Variants in CORO2A observed in about 807,000 individuals in gnomAD.
The protein encoded by CORO2A is coronin-2A.
Under a neutral mutation model 62.4 loss-of-function variants are expected in CORO2A, and 47 were observed. The ratio of observed to expected loss-of-function variants is 0.75; its 90% CI spans 0.60 to 0.96. The LOEUF (loss-of-function observed/expected upper bound fraction) is 0.96, where lower values mean the gene tolerates loss of function less well. Among genes scored for constraint, CORO2A ranks in the 40% least tolerant of loss-of-function variants. The pLI is 0.00. For missense variants in CORO2A, 610 were observed against 684.1 expected, an observed-to-expected ratio of 0.89 and a Z score of 1.21; for synonymous variants, 273 against 268.9, an observed-to-expected ratio of 1.02 and a Z score of -0.15.
chr9:98,137,922 TG>T (rs1251927264), intron 2 of CORO2A, among the ~76,000 whole-genome samples: 2 of 152,164 alleles, frequency 1.3e-5, no homozygotes, highest in African/African-American at 4.8e-5. Context: ...CACAGGTTGG[TG>T]TGAGGATCAT....
At chr9:98,137,022 A>G (rs1007436398) in intron 3 of CORO2A, among the ~76,000 whole-genome samples, 4 of 152,132 alleles carry the variant, frequency 2.6e-5, no homozygotes, top group African/African-American at 9.7e-5. Context: ...ATACCACCAT[A>G]TTTTAGAAGT....
intron 6 of CORO2A, among the ~76,000 whole-genome samples, 165 bp downstream of exon 6, chr9:98,132,020 G>A (rs1025820349): frequency 3.3e-5 from 5 of 152,174 alleles, no homozygotes; most frequent in African/African-American, 1.2e-4. Context: ...GGGCTCGCCC[G>A]GGGCTGTCAG....
chr9:98,124,681 G>A lies in CORO2A; in HGVS notation c.*93C>T. ...TTTTCTGGTAAAAAATATAGAAATAGTGGTTGTCCTTGAGGGGACTTGTGG... is the reference window on the plus strand; with the variant it reads ...TTTTCTGGTAAAAAATATAGAAATAATGGTTGTCCTTGAGGGGACTTGTGG... On this transcript the variant is annotated 3_prime_UTR_variant, in exon 12 of 12. Transcript: ENST00000375077. The A allele has an allele frequency of 8.2e-7, 1 of 1,222,724 alleles. No homozygotes were observed. Among genetic ancestry groups the A allele is most frequent in the Non-Finnish European group, 1.1e-6 (1 of 925,092 alleles). The allele number at this position is 1,222,724 out of a possible 1,614,324, so 75.7% of individuals were successfully genotyped here. A position where few individuals can be genotyped will look rare whatever the true frequency, so the allele number is the denominator to read the frequency against.
intron 1 of CORO2A, among the ~76,000 whole-genome samples, chr9:98,168,622 G>A (rs1447241698): frequency 3.9e-5 from 6 of 152,262 alleles, no homozygotes; most frequent in Non-Finnish European, 8.8e-5. Flanking sequence ...GATACACACA[G>A]CATGCAGAGT....
intron 1 of CORO2A, among the ~76,000 whole-genome samples, chr9:98,175,553 G>A (rs1263785603): frequency 1.3e-5 from 2 of 152,194 alleles, no homozygotes; most frequent in Non-Finnish European, 2.9e-5. Flanking sequence ...GGGCTCCAGT[G>A]TCTCAACCCA....
chr9:98,170,502 C>T (rs947361152), intron 1 of CORO2A, among the ~76,000 whole-genome samples: 8 of 152,118 alleles, frequency 5.3e-5, no homozygotes, highest in Admixed American at 1.3e-4. Context: ...AGTGCAATGG[C>T]GTGATCTTGG....
In CORO2A at chr9:98,130,037, C is replaced by T. The variant is rs190857138; in HGVS notation, c.871-147G>A. On this transcript the variant is annotated intron_variant, in intron 7 of 11. Coordinates refer to ENST00000375077, the MANE Select transcript of CORO2A (RefSeq NM_052820.4). ...CAAGGGAACACCAGGAAACTGGGGG[C>T]CCTGTCATCAAGGCAGGAGGGTGAT... 4.7e-5 allele frequency: 29 copies of T among 617,642 alleles called. No homozygotes were observed. In the East Asian group the frequency reaches 7.7e-4, roughly 16 times the overall value. 38.3% of individuals were successfully genotyped at this position (617,642 alleles called of 1,614,324 possible).
intron 2 of CORO2A, among the ~76,000 whole-genome samples, chr9:98,142,825 G>T (rs1020481464): frequency 1.2e-4 from 2 of 16,058 alleles, no homozygotes; most frequent in Admixed American, 5.4e-4. Context: ...CCTCCCCTCC[G>T]CCCCACCTCC....
chr9:98,176,890 C>G (rs1375769789), intron 1 of CORO2A, among the ~76,000 whole-genome samples: 1 of 152,156 alleles, frequency 6.6e-6, no homozygotes, highest in African/African-American at 2.4e-5. Context: ...CTCCAGCCTC[C>G]CAGTCCAAAA....
chr9:98,171,304 T>TTCAA (rs1040026005), intron 1 of CORO2A, among the ~76,000 whole-genome samples: 1 of 152,124 alleles, frequency 6.6e-6, no homozygotes, highest in Non-Finnish European at 1.5e-5. Flanking sequence ...GGGGTGGGCA[T>TTCAA]CCAACCAGGG....
chr9:98,175,483 G>T (rs1401685915), intron 1 of CORO2A, among the ~76,000 whole-genome samples: 5 of 152,204 alleles, frequency 3.3e-5, no homozygotes, highest in Non-Finnish European at 7.3e-5. Context: ...CAAGCCCAGT[G>T]ACCCGGCTCC....
rs1037292482 is a variant in CORO2A at position 98,146,781 on chromosome 9, C to A, written c.202-9093G>T. 3.3e-5 allele frequency among the ~76,000 whole-genome samples: 5 copies of A among 152,340 alleles called. No individual in the cohort carries two copies. The South Asian group carries it at 6.2e-4, about 19-fold the overall frequency. On this transcript the variant is annotated intron_variant, in intron 2 of 11. Transcript: ENST00000375077. ...TGCACAGGGTCCTCTGGGAAGTCAT[C>A]TTCCTGAGCCTCAGCGACCTCATCT...
chr9:98,185,294 G>A (rs16913640), intron 1 of CORO2A, among the ~76,000 whole-genome samples: 52,233 of 152,114 alleles, frequency 0.34, 10,672 homozygotes, highest in African/African-American at 0.58. Flanking sequence ...TAGCTTGTCT[G>A]CATTCACACT....
At chr9:98,144,500 G>T (rs377629153) in intron 2 of CORO2A, among the ~76,000 whole-genome samples, 3 of 152,192 alleles carry the variant, frequency 2.0e-5, no homozygotes, top group East Asian at 3.9e-4. Flanking sequence ...CTATGTGCCA[G>T]ACTGCATGCA....
chr9:98,140,148 G>A (rs185588963), intron 2 of CORO2A, among the ~76,000 whole-genome samples: 87 of 152,232 alleles, frequency 5.7e-4, no homozygotes, highest in African/African-American at 1.9e-3. Flanking sequence ...CCAGGTTCTT[G>A]AGCCACCCAC....
intron 1 of CORO2A, among the ~76,000 whole-genome samples, chr9:98,180,360 C>T (rs145057850): frequency 8.9e-4 from 136 of 152,232 alleles, no homozygotes; most frequent in Admixed American, 2.8e-3. Flanking sequence ...GCTCCCTCTT[C>T]CAGGAAGTCT....
intron 1 of CORO2A, among the ~76,000 whole-genome samples, chr9:98,162,860 C>G (rs1827904799): frequency 6.6e-6 from 1 of 152,256 alleles, no homozygotes; most frequent in Non-Finnish European, 1.5e-5. Flanking sequence ...CAAGCAGGCA[C>G]TTGCCCACAA....
chr9:98,159,294 C>T (rs561041424), intron 1 of CORO2A, among the ~76,000 whole-genome samples: 21 of 152,090 alleles, frequency 1.4e-4, no homozygotes, highest in Non-Finnish European at 2.6e-4. Flanking sequence ...AGCAATTCTC[C>T]TGTAGCTGCC....
At chr9:98,172,720 A>C (rs1588012211) in intron 1 of CORO2A, 1 of 152,252 alleles carries the variant, frequency 6.6e-6, no homozygotes, top group Non-Finnish European at 1.5e-5. Context: ...ATGGTGAGGT[A>C]CCTCCTCTCT....
Sources: gnomAD v4.1 joint callset for allele counts (sites outside exome capture counted in the v4.1 genomes callset) on GRCh38, gnomAD v4.1.1 for gene constraint, MANE v1.5 for transcripts, NCBI Gene and HGNC (gene_info 2026-07-23, HGNC 2026-07-21) for gene names.